EPHA6: variants seen among roughly 807,000 people sequenced by gnomAD.
The protein encoded by EPHA6 is ephrin type-A receptor 6.
EPHA6 carries 50 observed loss-of-function variants against 112.0 expected under a neutral mutation model. That is an observed-to-expected ratio of 0.45 (90% CI 0.36 to 0.56). The LOEUF (loss-of-function observed/expected upper bound fraction) is 0.56, where lower values mean the gene tolerates loss of function less well. Ranked by LOEUF, EPHA6 falls within the 20% of genes least tolerant of loss-of-function variation. The probability of loss-of-function intolerance (pLI) is 0.00; values close to 1 mark genes in which losing one functional copy is unlikely to be tolerated. For synonymous variants in EPHA6, 529 were observed against 490.7 expected, an observed-to-expected ratio of 1.08 and a Z score of -1.03; for missense variants, 1,280 against 1,417.4, an observed-to-expected ratio of 0.90 and a Z score of 1.56.
rs1443768585 is a variant in EPHA6, at chr3:97,021,295, C to T, written c.1114+33302C>T. ...CTTCGTTTTATCTTTAAAATAATAT[C>T]CAAACTCAGGGTCATGGCTCAGGAT... On this transcript the variant is annotated intron_variant, in intron 3 of 17. Transcript: ENST00000389672. Among the ~76,000 whole-genome samples the T allele has an allele frequency of 2.0e-5, 3 of 149,286 alleles. No homozygotes were observed. The East Asian group carries it at 6.5e-4, about 32-fold the overall frequency.
intron 13 of EPHA6, among the ~76,000 whole-genome samples, chr3:97,629,688 G>T: frequency 6.6e-6 from 1 of 152,008 alleles, no homozygotes; most frequent in African/African-American, 2.4e-5. Context: ...CCATTTATGA[G>T]ATATTGGATT....
intron 4 of EPHA6, among the ~76,000 whole-genome samples, chr3:97,240,565 C>A (rs534866153): frequency 4.6e-4 from 70 of 151,880 alleles, no homozygotes; most frequent in Non-Finnish European, 9.0e-4. Flanking sequence ...CACTTTTCAG[C>A]CCATATGAAA....
At chr3:97,550,984 C>T (rs1053632544) in intron 11 of EPHA6, among the ~76,000 whole-genome samples, 2 of 152,166 alleles carry the variant, frequency 1.3e-5, no homozygotes, top group African/African-American at 4.8e-5. Context: ...AATTTTAACA[C>T]TTTCTAATGT....
chr3:97,094,740 A>T (rs748108992), intron 3 of EPHA6, among the ~76,000 whole-genome samples: 9 of 152,166 alleles, frequency 5.9e-5, no homozygotes, highest in Admixed American at 2.0e-4. Context: ...TTTAGCCTTC[A>T]CATTTTAAAA....
intron 11 of EPHA6, among the ~76,000 whole-genome samples, chr3:97,558,774 T>G (rs1319495674): frequency 6.6e-6 from 1 of 151,902 alleles, no homozygotes; most frequent in Non-Finnish European, 1.5e-5. Flanking sequence ...TAAATAAAAA[T>G]AAGTGTCATG....
chr3:97,296,567 T>C (rs1345382072), intron 5 of EPHA6, among the ~76,000 whole-genome samples: 5 of 152,142 alleles, frequency 3.3e-5, no homozygotes, highest in Non-Finnish European at 5.9e-5. Flanking sequence ...TTAGTGGCAA[T>C]AGACATAAGC....
intron 14 of EPHA6, among the ~76,000 whole-genome samples, chr3:97,693,083 A>C (rs748615912): frequency 6.6e-6 from 1 of 152,222 alleles, no homozygotes; most frequent in Non-Finnish European, 1.5e-5. Context: ...GATAATAATA[A>C]AGAAAGTAAA....
intron 5 of EPHA6, among the ~76,000 whole-genome samples, chr3:97,330,651 G>T (rs1433217144): frequency 6.6e-6 from 1 of 152,054 alleles, no homozygotes; most frequent in African/African-American, 2.4e-5. Context: ...GACAAAGAAG[G>T]CTATTACATA....
chr3:97,125,329 A>G (rs1247655582), intron 3 of EPHA6, among the ~76,000 whole-genome samples: 2 of 152,198 alleles, frequency 1.3e-5, no homozygotes, highest in Non-Finnish European at 2.9e-5. Context: ...TAAGTACAGA[A>G]TATTTCTATA....
At chr3:97,604,872 T>A (rs769254883) in intron 12 of EPHA6, among the ~76,000 whole-genome samples, 12 of 151,738 alleles carry the variant, frequency 7.9e-5, no homozygotes, top group Middle Eastern at 3.4e-3. Context: ...CTGCAATTGT[T>A]CTTGGAGAAC....
Position 97,593,500 on chromosome 3 carries a change from T to G in EPHA6, c.2512+763T>G, listed in dbSNP as rs2093562860. On this transcript the variant is annotated intron_variant, in intron 12 of 17. Coordinates refer to ENST00000389672, the MANE Select transcript of EPHA6 (RefSeq NM_001080448.3). ...AGAATTCAAATATTGATTCTTGGAG[T>G]TTTGAAATCATAATTCTTGTGATTT... 2.0e-5 allele frequency among the ~76,000 whole-genome samples: 3 copies of G among 152,276 alleles called. No individual in the cohort carries two copies. The South Asian group carries it at 6.2e-4, about 32-fold the overall frequency.
chr3:97,564,156 T>C (rs2093229306), intron 11 of EPHA6, among the ~76,000 whole-genome samples: 1 of 152,070 alleles, frequency 6.6e-6, no homozygotes, highest in African/African-American at 2.4e-5. Flanking sequence ...AGTCAGTAAC[T>C]TAATAGGGAG....
chr3:97,129,249 C>T (rs2048268125), intron 3 of EPHA6, among the ~76,000 whole-genome samples: 1 of 152,022 alleles, frequency 6.6e-6, no homozygotes, highest in Admixed American at 6.6e-5. Flanking sequence ...CCTGTAATCC[C>T]AGCACTTTGG....
chr3:97,315,488 G>C (rs2081780822), intron 5 of EPHA6, among the ~76,000 whole-genome samples: 1 of 151,650 alleles, frequency 6.6e-6, no homozygotes, highest in Admixed American at 6.6e-5. Context: ...GGCCCACTCT[G>C]TCATAAAACT....
At chr3:97,672,918 C>T (rs1336894764) in intron 14 of EPHA6, among the ~76,000 whole-genome samples, 4 of 152,142 alleles carry the variant, frequency 2.6e-5, no homozygotes, top group Admixed American at 2.0e-4. Flanking sequence ...TTTATTAGCA[C>T]TCCAAAGTGA....
intron 11 of EPHA6, among the ~76,000 whole-genome samples, chr3:97,577,140 G>T (rs1440885736): frequency 6.6e-6 from 1 of 152,162 alleles, no homozygotes; most frequent in Non-Finnish European, 1.5e-5. Context: ...CTCCCAAAAT[G>T]CTGGGACTAC....
intron 15 of EPHA6, among the ~76,000 whole-genome samples, chr3:97,725,635 A>G (rs1362237490): frequency 6.6e-6 from 1 of 152,060 alleles, no homozygotes; most frequent in African/African-American, 2.4e-5. Flanking sequence ...TTAGAACAAG[A>G]TCTCTCAACC....
chr3:97,491,232 A>C (rs997066734), intron 10 of EPHA6, among the ~76,000 whole-genome samples: 1 of 152,228 alleles, frequency 6.6e-6, no homozygotes, highest in Non-Finnish European at 1.5e-5. Context: ...AGGCCATCTT[A>C]AAAGTTTGCC....
chr3:97,735,181 T>G (rs1367903986), intron 15 of EPHA6, among the ~76,000 whole-genome samples: 1 of 152,048 alleles, frequency 6.6e-6, no homozygotes. Flanking sequence ...AAGTGCTCAC[T>G]AACCACATGT....
Sources: gnomAD v4.1 joint callset for allele counts (sites outside exome capture counted in the v4.1 genomes callset) on GRCh38, gnomAD v4.1.1 for gene constraint, MANE v1.5 for transcripts, NCBI Gene and HGNC (gene_info 2026-07-23, HGNC 2026-07-21) for gene names.